CTNNA3: variants seen among roughly 807,000 people sequenced by gnomAD.
The protein encoded by CTNNA3 is catenin alpha 3.
Under a neutral mutation model 95.7 loss-of-function variants are expected in CTNNA3, and 76 were observed. The observed-to-expected ratio is 0.79, with a 90% CI of 0.66 to 0.96. The LOEUF (loss-of-function observed/expected upper bound fraction) is 0.96, where lower values mean the gene tolerates loss of function less well. Ranked by LOEUF, CTNNA3 falls within the 40% of genes least tolerant of loss-of-function variation. CTNNA3 has a pLI of 0.00. For synonymous variants in CTNNA3, 431 were observed against 374.4 expected, an observed-to-expected ratio of 1.15 and a Z score of -1.74; for missense variants, 1,191 against 1,089.8, an observed-to-expected ratio of 1.09 and a Z score of -1.31.
At chr10:67,096,338 T>C (rs532069378) in intron 7 of CTNNA3, among the ~76,000 whole-genome samples, 1 of 151,832 alleles carries the variant, frequency 6.6e-6, no homozygotes, top group South Asian at 2.1e-4. Context: ...TTCTAATGCA[T>C]GGAGAGAAGG....
chr10:66,629,758 A>G (rs548132768), intron 9 of CTNNA3, among the ~76,000 whole-genome samples: 1 of 152,176 alleles, frequency 6.6e-6, no homozygotes, highest in East Asian at 1.9e-4. Flanking sequence ...TTATGTATCA[A>G]TGCTTGCTTC....
chr10:66,487,810 T>G (rs1201499312), intron 11 of CTNNA3, among the ~76,000 whole-genome samples: 1 of 152,218 alleles, frequency 6.6e-6, no homozygotes. Context: ...AACAAGAGAC[T>G]AAAGTAAACG....
chr10:67,726,564 A>ATATATTACATATTATTTAATATGTAATAT (rs1841226195), intron 1 of CTNNA3, among the ~76,000 whole-genome samples: 1 of 70,836 alleles, frequency 1.4e-5, no homozygotes, highest in East Asian at 6.6e-4. Context: ...ATAATATAAT[A>ATATATTACATATTATTTAATATGTAATAT]TATATTACAT....
intron 17 of CTNNA3, among the ~76,000 whole-genome samples, chr10:65,962,182 C>T (rs566869505): frequency 6.6e-6 from 1 of 152,122 alleles, no homozygotes; most frequent in South Asian, 2.1e-4. Context: ...CTGGATGGTC[C>T]CATATACTTC....
At chr10:66,120,367 C>T (rs4146616) in intron 13 of CTNNA3, among the ~76,000 whole-genome samples, 13,307 of 152,092 alleles carry the variant, frequency 0.087, 758 homozygotes, top group Non-Finnish European at 0.12. Flanking sequence ...GTCATTCTGA[C>T]TTATGTCAAT....
At chr10:66,106,965 G>A (rs748849174) in intron 13 of CTNNA3, among the ~76,000 whole-genome samples, 6 of 152,064 alleles carry the variant, frequency 3.9e-5, no homozygotes, top group Non-Finnish European at 5.9e-5. Flanking sequence ...TGCTAAACAG[G>A]GTTTAATATA....
At chr10:66,884,798 A>G (rs1844982442) in intron 7 of CTNNA3, among the ~76,000 whole-genome samples, 1 of 152,162 alleles carries the variant, frequency 6.6e-6, no homozygotes, top group Non-Finnish European at 1.5e-5. Flanking sequence ...CAAAAGGTCA[A>G]GATTATGTGA....
chr10:66,636,981 G>C (rs1447548563), intron 9 of CTNNA3, among the ~76,000 whole-genome samples: 1 of 152,134 alleles, frequency 6.6e-6, no homozygotes, highest in Non-Finnish European at 1.5e-5. Context: ...TTTAAAAAAT[G>C]TTAGCTGGAT....
At chr10:67,476,745 C>T (rs796238277) in intron 5 of CTNNA3, among the ~76,000 whole-genome samples, 3 of 151,734 alleles carry the variant, frequency 2.0e-5, no homozygotes, top group South Asian at 2.1e-4. Context: ...GTGCATAGAT[C>T]GTGGTATAGT....
At chr10:66,396,260 T>G (rs2092976274) in intron 11 of CTNNA3, among the ~76,000 whole-genome samples, 1 of 152,036 alleles carries the variant, frequency 6.6e-6, no homozygotes, top group Non-Finnish European at 1.5e-5. Context: ...GCCAAAATCT[T>G]ATTGAACTGA....
At chr10:67,344,164 T>A (rs1342790126) in intron 5 of CTNNA3, among the ~76,000 whole-genome samples, 2 of 151,932 alleles carry the variant, frequency 1.3e-5, no homozygotes, top group Non-Finnish European at 2.9e-5. Context: ...TGTTGAACCA[T>A]CCTTGCATCC....
chr10:67,274,232 T>C (rs964850248), intron 5 of CTNNA3, among the ~76,000 whole-genome samples: 6 of 151,858 alleles, frequency 4.0e-5, no homozygotes, highest in African/African-American at 1.5e-4. Context: ...ACAAAAGAAA[T>C]GGAAGAAGAG....
At chr10:66,187,949 T>C (rs1585596) in intron 13 of CTNNA3, among the ~76,000 whole-genome samples, 99,148 of 151,960 alleles carry the variant, frequency 0.65, 32,533 homozygotes, top group African/African-American at 0.72. Flanking sequence ...ACTTACTAAA[T>C]AAAGACTTTA....
At chr10:67,595,515 C>T (rs949334915) in intron 3 of CTNNA3, among the ~76,000 whole-genome samples, 1 of 152,078 alleles carries the variant, frequency 6.6e-6, no homozygotes, top group Non-Finnish European at 1.5e-5. Context: ...GGTATGATTT[C>T]AGTTTCTTTG....
In CTNNA3 at chr10:67,114,425, A is replaced by C. The variant is rs554429933; in HGVS notation, c.1047+65892T>G. 2.6e-5 allele frequency among the ~76,000 whole-genome samples: 4 copies of C among 152,292 alleles called. No individual in the cohort carries two copies. In the East Asian group the frequency reaches 7.7e-4, roughly 29 times the overall value. Reference sequence around the variant, plus strand: ...AATTTACAAATCTAAGCAATATAAAAACATGAGTAAAAATCTAATTTAATT... The same window carrying C: ...AATTTACAAATCTAAGCAATATAAACACATGAGTAAAAATCTAATTTAATT... On this transcript the variant is annotated intron_variant, in intron 7 of 17. Transcript: ENST00000433211.
chr10:67,637,742 G>A (rs1839371633), intron 2 of CTNNA3, among the ~76,000 whole-genome samples: 1 of 152,176 alleles, frequency 6.6e-6, no homozygotes, highest in Admixed American at 6.5e-5. Context: ...TTTTAACCCA[G>A]AATTTCATAT....
rs533969434 is a variant in CTNNA3, at chr10:67,302,058, A to C, written c.580-82188T>G. 2.7e-3 allele frequency among the ~76,000 whole-genome samples: 351 copies of C among 128,956 alleles called. 82 individuals are homozygous for C. Among genetic ancestry groups the C allele is most frequent in the African/African-American group, 0.013 (324 of 25,230 alleles). The allele number at this position is 128,956 out of a possible 152,430, so 84.6% of individuals were successfully genotyped here. A position where few individuals can be genotyped will look rare whatever the true frequency, so the allele number is the denominator to read the frequency against. Reference sequence around the variant, plus strand: ...AAGAAAGAAAGAAAGAAAGAAAGAAAGAAAGAAAGAAAGAAAGAAAGAAAG... The same window carrying C: ...AAGAAAGAAAGAAAGAAAGAAAGAACGAAAGAAAGAAAGAAAGAAAGAAAG... On this transcript the variant is annotated intron_variant, in intron 5 of 17. Transcript: ENST00000433211.
At chr10:66,332,971 T>G (rs533606261) in intron 12 of CTNNA3, among the ~76,000 whole-genome samples, 2 of 152,066 alleles carry the variant, frequency 1.3e-5, no homozygotes, top group Non-Finnish European at 2.9e-5. Context: ...TGTATGTGTC[T>G]AGGAATTTAT....
At chr10:67,071,746 T>C (rs115176166) in intron 7 of CTNNA3, among the ~76,000 whole-genome samples, 1,610 of 152,272 alleles carry the variant, frequency 0.011, 27 homozygotes, top group African/African-American at 0.037. Context: ...TTTTTACTTA[T>C]GTTTAAAAAA....
Sources: allele counts gnomAD v4.1 joint callset (sites outside exome capture counted in the v4.1 genomes callset), GRCh38; gene constraint gnomAD v4.1.1; transcripts MANE v1.5; gene names NCBI Gene and HGNC (gene_info 2026-07-23, HGNC 2026-07-21).